Variants in AGBL3 observed in about 807,000 individuals in gnomAD.
The protein encoded by AGBL3 is AGBL carboxypeptidase 3.
In AGBL3, 68 loss-of-function variants were observed where a neutral mutation model predicts 94.5. That is an observed-to-expected ratio of 0.72 (90% CI 0.59 to 0.88). The LOEUF is 0.88. Ranked by LOEUF, AGBL3 falls within the 40% of genes least tolerant of loss-of-function variation. The pLI, the probability that AGBL3 is intolerant of heterozygous loss-of-function variation, is 0.00. For missense variants in AGBL3, 934 were observed against 1,103.8 expected, an observed-to-expected ratio of 0.85 and a Z score of 2.18; for synonymous variants, 354 against 370.7, an observed-to-expected ratio of 0.95 and a Z score of 0.52.
chr7:135,004,631 G>GTTAT (rs10522865), intron 4 of AGBL3, among the ~76,000 whole-genome samples: 140,744 of 151,260 alleles, frequency 0.93, 66,257 homozygotes, highest in Non-Finnish European at 1. Flanking sequence ...GACAGTTTTG[G>GTTAT]TTATTTTCCT....
chr7:135,037,327 T>C, intron 7 of AGBL3, 91 bp from the exon 8 acceptor site: 1 of 1,075,584 alleles, frequency 9.3e-7, no homozygotes, highest in Non-Finnish European at 1.3e-6. Flanking sequence ...AAATTGTATT[T>C]ATTTGGATAT....
At chr7:135,041,200 T>C (rs1004710964) in intron 8 of AGBL3, among the ~76,000 whole-genome samples, 4 of 152,196 alleles carry the variant, frequency 2.6e-5, no homozygotes, top group Non-Finnish European at 5.9e-5. Flanking sequence ...ACTCCCCAAG[T>C]TGATCTGTAG....
rs1458875859 is a variant in AGBL3, at chr7:135,037,543, T to A, written c.1463T>A (p.Ile488Asn). 6.5e-7 allele frequency: 1 copy of A among 1,544,452 alleles called. No homozygotes were observed. Among genetic ancestry groups the A allele is most frequent in the African/African-American group, 1.4e-5 (1 of 72,682 alleles). The change falls in exon 8 of 17, where the codon ATC becomes AAC. Residue 488 changes from isoleucine (I) to asparagine (N), a missense_variant. By Grantham distance (149) the Ile-to-Asn change is moderately radical. This residue lies in a region of AGBL3 where 441 missense variants were observed against 518.2 expected (regional missense o/e 0.85). Coordinates refer to ENST00000436302, the MANE Select transcript of AGBL3 (RefSeq NM_178563.4). ...AAGACATTATACTTACAGCAACGAA[T>A]CTTCCCACTTATGCTAAGCAAAAAT... ...RSKTLYLQQRIFPLMLSKNCP... is the reference protein window; with the variant it reads ...RSKTLYLQQRNFPLMLSKNCP...
chr7:135,068,616 T>C lies in AGBL3; in HGVS notation c.1909-7781T>C, dbSNP rs370102905. Among the ~76,000 whole-genome samples the C allele has an allele frequency of 1.5e-4, 23 of 152,248 alleles. No homozygotes were observed. In the East Asian group the frequency reaches 1.7e-3, roughly 11 times the overall value. On this transcript the variant is annotated intron_variant, in intron 12 of 16. Coordinates refer to ENST00000436302, the MANE Select transcript of AGBL3 (RefSeq NM_178563.4). ...AAAGAAAAGAATTTTCAACCCAGAA[T>C]TCCATATCCAGCCAAACTAAACTTC...
chr7:135,007,484 C>T (rs1185613561), intron 4 of AGBL3, among the ~76,000 whole-genome samples: 1 of 151,860 alleles, frequency 6.6e-6, no homozygotes, highest in Admixed American at 6.6e-5. Flanking sequence ...ATCCTACACC[C>T]TTTCATGACA....
intron 15 of AGBL3, among the ~76,000 whole-genome samples, chr7:135,109,895 A>G (rs181850763): frequency 5.9e-5 from 9 of 152,334 alleles, no homozygotes; most frequent in Non-Finnish European, 7.4e-5. Context: ...TGGAAGCTCT[A>G]TACCAGGGAG....
chr7:135,016,289 T>C (rs1185041084), intron 4 of AGBL3, among the ~76,000 whole-genome samples: 6 of 152,174 alleles, frequency 3.9e-5, no homozygotes, highest in Non-Finnish European at 8.8e-5. Context: ...CACATTTGCA[T>C]CAATATGGTA....
intron 4 of AGBL3, chr7:135,012,541 T>A (rs1393081106): frequency 6.6e-6 from 1 of 152,162 alleles, no homozygotes; most frequent in Non-Finnish European, 1.5e-5. Flanking sequence ...GAAATGTGGA[T>A]AGAAGTATGT....
At chr7:135,129,481 C>T (rs1828427543) in intron 16 of AGBL3, 1 of 773,350 alleles carries the variant, frequency 1.3e-6, no homozygotes, top group South Asian at 1.3e-5. Flanking sequence ...AAGAACTGAC[C>T]ATGTTGTGGA....
intron 3 of AGBL3, 144 bp downstream of exon 3, chr7:134,989,454 G>T (rs1809936617): frequency 1.8e-6 from 1 of 567,690 alleles, no homozygotes; most frequent in East Asian, 3.5e-5. Context: ...TCTACTTGCA[G>T]AGTTCAAACT....
At chr7:135,088,005 T>TG (rs1448520507) in intron 15 of AGBL3, among the ~76,000 whole-genome samples, 1 of 152,136 alleles carries the variant, frequency 6.6e-6, no homozygotes, top group Non-Finnish European at 1.5e-5. Flanking sequence ...TGCTCCAGTG[T>TG]GGGGTGCATA....
chr7:135,106,721 G>A (rs1310046465), intron 15 of AGBL3, among the ~76,000 whole-genome samples: 1 of 152,164 alleles, frequency 6.6e-6, no homozygotes, highest in Non-Finnish European at 1.5e-5. Context: ...GATAATGCTG[G>A]CTTCATAGAA....
In AGBL3 at chr7:135,115,548, A is replaced by C. The variant is rs1264059745; in HGVS notation, c.2279A>C (p.Asn760Thr). 1 of 1,551,404 alleles carries C rather than the reference A, an allele frequency of 6.4e-7. No individual in the cohort carries two copies. Among genetic ancestry groups the C allele is most frequent in the African/African-American group, 1.4e-5 (1 of 73,048 alleles). ...YLLPIVHSTK[N>T]MQTTQIKQLF... ...CTCCCCATCGTGCATAGCACTAAAAACATGCAAACCACTCAGATAAAACAG... is the reference window on the plus strand; with the variant it reads ...CTCCCCATCGTGCATAGCACTAAAACCATGCAAACCACTCAGATAAAACAG... The change falls in exon 16 of 17, where the codon AAC (asparagine) becomes ACC (threonine). Residue 760 changes from asparagine (N) to threonine (T), a missense_variant. Transcript: ENST00000436302.
intron 3 of AGBL3, among the ~76,000 whole-genome samples, chr7:134,989,986 C>T (rs1331150493): frequency 1.3e-5 from 2 of 152,150 alleles, no homozygotes; most frequent in East Asian, 1.9e-4. Flanking sequence ...GTTTTGTGGA[C>T]ATTTCCCTGC....
chr7:135,112,913 G>C (rs543763102), intron 15 of AGBL3, among the ~76,000 whole-genome samples: 2 of 152,248 alleles, frequency 1.3e-5, no homozygotes, highest in African/African-American at 4.8e-5. Context: ...GAGTAGCTGG[G>C]ATTACAGAAC....
chr7:135,109,622 C>T (rs1003275674), intron 15 of AGBL3, among the ~76,000 whole-genome samples: 4 of 152,256 alleles, frequency 2.6e-5, no homozygotes, highest in Admixed American at 2.0e-4. Context: ...CCTCTGGGAG[C>T]TCTGTCCCAG....
At chr7:135,039,294 A>T (rs1403178266) in intron 8 of AGBL3, among the ~76,000 whole-genome samples, 3 of 152,248 alleles carry the variant, frequency 2.0e-5, no homozygotes, top group Non-Finnish European at 4.4e-5. Context: ...ACATTTCTAA[A>T]AAATCCTTAG....
At chr7:135,121,865 C>T (rs961124506) in intron 16 of AGBL3, among the ~76,000 whole-genome samples, 13 of 152,144 alleles carry the variant, frequency 8.5e-5, no homozygotes, top group Non-Finnish European at 1.8e-4. Flanking sequence ...GCTACCCAGC[C>T]GGGGAAACCG....
chr7:135,121,708 T>C (rs1827158308), intron 16 of AGBL3, among the ~76,000 whole-genome samples: 1 of 152,048 alleles, frequency 6.6e-6, no homozygotes, highest in Non-Finnish European at 1.5e-5. Flanking sequence ...AAGCAAGGTA[T>C]CCAGGTTCTC....
Sources: gnomAD v4.1 joint callset for allele counts (sites outside exome capture counted in the v4.1 genomes callset) on GRCh38, gnomAD v4.1.1 for gene constraint, gnomAD v4.1.1 regional missense constraint, MANE v1.5 for transcripts, NCBI Gene and HGNC (gene_info 2026-07-23, HGNC 2026-07-21) for gene names.